DLGAP2: variants seen among roughly 807,000 people sequenced by gnomAD.
The protein encoded by DLGAP2 is disks large-associated protein 2.
A neutral mutation model predicts 100.3 loss-of-function variants in DLGAP2; 26 were observed. The ratio of observed to expected loss-of-function variants is 0.26; its 90% CI spans 0.19 to 0.36. DLGAP2 has a LOEUF of 0.36. DLGAP2 is among the 10% of genes least tolerant of loss of function. The pLI is 1.00. For synonymous variants in DLGAP2, 886 were observed against 630.1 expected, an observed-to-expected ratio of 1.41 and a Z score of -6.08; for missense variants, 1,858 against 1,453.2, an observed-to-expected ratio of 1.28 and a Z score of -4.53.
At chr8:1,004,095 G>T (rs920644114) in intron 2 of DLGAP2, among the ~76,000 whole-genome samples, 2 of 151,964 alleles carry the variant, frequency 1.3e-5, no homozygotes, top group African/African-American at 4.8e-5. Flanking sequence ...CGATCTTTTG[G>T]CTTTTATAGT....
At chr8:1,151,011 G>A (rs1796687979) in intron 2 of DLGAP2, among the ~76,000 whole-genome samples, 1 of 152,128 alleles carries the variant, frequency 6.6e-6, no homozygotes, top group Non-Finnish European at 1.5e-5. Context: ...ACATACATAT[G>A]TAATCGTTAT....
At chr8:850,823 T>TA (rs889323496) in intron 1 of DLGAP2, among the ~76,000 whole-genome samples, 2 of 151,894 alleles carry the variant, frequency 1.3e-5, no homozygotes, top group African/African-American at 4.9e-5. Context: ...AAATAATAGT[T>TA]AAAATTTTTT....
At chr8:775,033 G>A (rs540707222) in intron 1 of DLGAP2, among the ~76,000 whole-genome samples, 2 of 152,158 alleles carry the variant, frequency 1.3e-5, no homozygotes, top group African/African-American at 4.8e-5. Flanking sequence ...TTTGAGCAGT[G>A]GTTTGTAGTT....
At chr8:1,194,980 C>T (rs62489014) in intron 2 of DLGAP2, among the ~76,000 whole-genome samples, 2,352 of 152,288 alleles carry the variant, frequency 0.015, 24 homozygotes, top group Non-Finnish European at 0.023. Flanking sequence ...GCACCCCCTC[C>T]GCTCTCCCGG....
At chr8:1,143,771 C>G (rs535944115) in intron 2 of DLGAP2, among the ~76,000 whole-genome samples, 38 of 152,358 alleles carry the variant, frequency 2.5e-4, no homozygotes, top group African/African-American at 8.7e-4. Context: ...CCAACAGTCA[C>G]CAGCACCTCT....
At chr8:1,235,873 G>T (rs2116844836) in intron 2 of DLGAP2, among the ~76,000 whole-genome samples, 1 of 7,572 alleles carries the variant, frequency 1.3e-4, no homozygotes, top group South Asian at 3.8e-3. Flanking sequence ...ATGGCGCCGT[G>T]TCTAGTTCTC....
At chr8:1,386,626 A>C (rs962645156) in intron 3 of DLGAP2, among the ~76,000 whole-genome samples, 5 of 152,174 alleles carry the variant, frequency 3.3e-5, no homozygotes, top group African/African-American at 2.4e-5. Context: ...GAAGATTCGG[A>C]GGATGTGCTG....
intron 2 of DLGAP2, among the ~76,000 whole-genome samples, chr8:1,057,701 A>T (rs768630779): frequency 6.6e-6 from 1 of 152,262 alleles, no homozygotes; most frequent in Non-Finnish European, 1.5e-5. Context: ...GTTTGCGAAC[A>T]GCTTGTGGCC....
At chr8:1,330,845 C>T (rs1364671958) in intron 3 of DLGAP2, among the ~76,000 whole-genome samples, 1 of 143,884 alleles carries the variant, frequency 7.0e-6, no homozygotes, top group East Asian at 2.1e-4. Flanking sequence ...GGGAGCACAG[C>T]TTCACAGGGA....
At chr8:1,467,813 C>T (rs557348381) in intron 3 of DLGAP2, among the ~76,000 whole-genome samples, 75 of 152,222 alleles carry the variant, frequency 4.9e-4, no homozygotes, top group African/African-American at 1.5e-3. Flanking sequence ...TGGGGTCCTG[C>T]GCCCTGCTGC....
intron 6 of DLGAP2, among the ~76,000 whole-genome samples, chr8:1,575,712 T>C (rs1183310625): frequency 6.8e-6 from 1 of 146,132 alleles, no homozygotes; most frequent in African/African-American, 2.5e-5. Flanking sequence ...AGTGAGAACA[T>C]GTGGTGTTTG....
chr8:1,387,129 C>T (rs1450228513), intron 3 of DLGAP2, among the ~76,000 whole-genome samples: 1 of 152,196 alleles, frequency 6.6e-6, no homozygotes, highest in African/African-American at 2.4e-5. Context: ...GCAGAGCCGT[C>T]GTGATCATTG....
At chr8:1,676,941 G>A (rs768302257) in intron 11 of DLGAP2, among the ~76,000 whole-genome samples, 1 of 152,296 alleles carries the variant, frequency 6.6e-6, no homozygotes, top group East Asian at 1.9e-4. Flanking sequence ...CAGGCCTTAC[G>A]CCTTGTCATG....
intron 3 of DLGAP2, among the ~76,000 whole-genome samples, chr8:1,277,769 C>G (rs1799733706): frequency 6.6e-6 from 1 of 152,156 alleles, no homozygotes; most frequent in Non-Finnish European, 1.5e-5. Context: ...CTTGGCAGGG[C>G]CGGCTTGCTC....
At chr8:1,171,072 G>T (rs1412389578) in intron 2 of DLGAP2, among the ~76,000 whole-genome samples, 2 of 151,950 alleles carry the variant, frequency 1.3e-5, no homozygotes, top group Admixed American at 6.6e-5. Flanking sequence ...CGAGATTCTG[G>T]TATGTTGTGT....
intron 3 of DLGAP2, among the ~76,000 whole-genome samples, chr8:1,392,132 A>G (rs983652330): frequency 6.6e-6 from 1 of 151,970 alleles, no homozygotes; most frequent in African/African-American, 2.4e-5. Context: ...TACATCTCTA[A>G]TTTTTCAGAG....
At chr8:793,608 C>T (rs1240492460) in intron 1 of DLGAP2, among the ~76,000 whole-genome samples, 2 of 152,214 alleles carry the variant, frequency 1.3e-5, no homozygotes, top group African/African-American at 4.8e-5. Context: ...AACTCCTCTT[C>T]TGAGACTTCC....
chr8:1,114,329 G>C (rs747715990), intron 2 of DLGAP2, among the ~76,000 whole-genome samples: 23 of 151,954 alleles, frequency 1.5e-4, no homozygotes, highest in Non-Finnish European at 3.2e-4. Flanking sequence ...ATCTGTCCTG[G>C]GCTTTTTTTT....
Position 1,575,662 on chromosome 8 carries a change from C to A in DLGAP2, c.1442+9768C>A, listed in dbSNP as rs755629847. ...GGCCCTAGTGTGTGATGTTCCCCTT[C>A]CTGTGTCCAAGTCTTCTCATTGTTC... is the stretch of plus-strand genomic sequence containing the variant. On this transcript the variant is annotated intron_variant, in intron 6 of 14. Transcript: ENST00000637795. Among the ~76,000 whole-genome samples the A allele has an allele frequency of 6.8e-4, 86 of 127,104 alleles. 1 individual carries two copies. The Middle Eastern group carries it at 0.015, about 23-fold the overall frequency. The allele number at this position is 127,104 out of a possible 152,430, so 83.4% of individuals were successfully genotyped here. A position where few individuals can be genotyped will look rare whatever the true frequency, so the allele number is the denominator to read the frequency against.
Sources: gnomAD v4.1 joint callset for allele counts (sites outside exome capture counted in the v4.1 genomes callset) on GRCh38, gnomAD v4.1.1 for gene constraint, MANE v1.5 for transcripts, NCBI Gene and HGNC (gene_info 2026-07-23, HGNC 2026-07-21) for gene names.